The following CYRIA variants were observed in gnomAD, a reference collection of about 807,000 sequenced individuals.
CYRIA encodes CYFIP-related Rac1 interactor A.
In CYRIA, 15 loss-of-function variants were observed where a neutral mutation model predicts 43.9. That is an observed-to-expected ratio of 0.34 (90% CI 0.23 to 0.53). The LOEUF is 0.53. Among genes scored for constraint, CYRIA ranks in the 20% least tolerant of loss-of-function variants. CYRIA has a pLI of 0.94. For missense variants in CYRIA, 236 were observed against 394.2 expected (o/e 0.60, Z 3.40); for synonymous variants, 117 against 136.0 (o/e 0.86, Z 0.97).
intron 1 of CYRIA, among the ~76,000 whole-genome samples, chr2:16,654,913 C>T (rs1380495309): frequency 6.6e-6 from 1 of 152,172 alleles, no homozygotes; most frequent in Admixed American, 6.5e-5. Flanking sequence ...TCATATACCA[C>T]AAATAGTGAT....
At chr2:16,571,585 G>C (rs1558407001) in intron 3 of CYRIA, among the ~76,000 whole-genome samples, 5 of 152,232 alleles carry the variant, frequency 3.3e-5, no homozygotes. Flanking sequence ...CAATTTGACA[G>C]AGAATCAAAC....
chr2:16,619,332 T>C (rs1220948390), intron 2 of CYRIA, among the ~76,000 whole-genome samples: 3 of 152,190 alleles, frequency 2.0e-5, no homozygotes, highest in Non-Finnish European at 4.4e-5. Context: ...GGTACATGCA[T>C]ATGTACATAC....
intron 3 of CYRIA, among the ~76,000 whole-genome samples, chr2:16,586,587 C>G (rs1667735387): frequency 6.6e-6 from 1 of 150,844 alleles, no homozygotes. Context: ...ATTTTCAGAA[C>G]ATACAAGCTT....
In CYRIA at chr2:16,616,167, T is replaced by G. The variant is rs976995024; in HGVS notation, c.-11+7697A>C. Among the ~76,000 whole-genome samples the G allele has an allele frequency of 5.3e-5, 8 of 152,140 alleles. No individual in the cohort carries two copies. In the East Asian group the frequency reaches 1.5e-3, roughly 29 times the overall value. On this transcript the variant is annotated intron_variant, in intron 2 of 11. Transcript: ENST00000381323. Reference sequence around the variant, plus strand: ...GTAGAGTGGTGGCCTGCTCTGTCCTTCACGGTGGGAACCCGCCACTTGAAC... The same window carrying G: ...GTAGAGTGGTGGCCTGCTCTGTCCTGCACGGTGGGAACCCGCCACTTGAAC...
In CYRIA at chr2:16,588,138, G is replaced by A; in HGVS notation, c.-10-9C>T. The A allele has an allele frequency of 6.3e-7, 1 of 1,588,628 alleles. No homozygotes were observed. Among genetic ancestry groups the A allele is most frequent in the Non-Finnish European group, 8.6e-7 (1 of 1,164,760 alleles). On this transcript the variant is annotated splice_polypyrimidine_tract_variant and intron_variant, in intron 2 of 11. Coordinates refer to ENST00000381323, the MANE Select transcript of CYRIA (RefSeq NM_030797.4). ...TTCCCATCCCAGCAAACCTAGGAAA[G>A]GCAACACAAAACCAAATACCATTAG...
intron 2 of CYRIA, among the ~76,000 whole-genome samples, chr2:16,620,626 C>A (rs780811662): frequency 6.6e-6 from 1 of 152,166 alleles, no homozygotes; most frequent in African/African-American, 2.4e-5. Context: ...TCCATTTTTG[C>A]TTAAAAACTG....
Position 16,618,975 on chromosome 2 carries a change from C to T in CYRIA, c.-11+4889G>A, listed in dbSNP as rs1266580216. ...TGGAGAGGGTGATACACAGCATGAACAGTGAAAGAGGGGACAATTAGACAA... is the reference window on the plus strand; with the variant it reads ...TGGAGAGGGTGATACACAGCATGAATAGTGAAAGAGGGGACAATTAGACAA... On this transcript the variant is annotated intron_variant, in intron 2 of 11. Transcript: ENST00000381323. Among the ~76,000 whole-genome samples the T allele has an allele frequency of 3.9e-5, 6 of 152,182 alleles. No individual in the cohort carries two copies. In the East Asian group the frequency reaches 1.2e-3, roughly 29 times the overall value.
At chr2:16,619,190 C>T (rs1021245967) in intron 2 of CYRIA, among the ~76,000 whole-genome samples, 1 of 152,152 alleles carries the variant, frequency 6.6e-6, no homozygotes, top group Admixed American at 6.5e-5. Flanking sequence ...CTAGCCCATC[C>T]ATTCATCTTG....
intron 2 of CYRIA, among the ~76,000 whole-genome samples, chr2:16,616,748 C>G (rs1180747084): frequency 1.3e-5 from 2 of 152,260 alleles, no homozygotes; most frequent in Admixed American, 6.5e-5. Flanking sequence ...AAATTGCTAA[C>G]AATCACAGAG....
chr2:16,647,572 A>G (rs1356742700), intron 1 of CYRIA, among the ~76,000 whole-genome samples: 1 of 152,124 alleles, frequency 6.6e-6, no homozygotes, highest in Non-Finnish European at 1.5e-5. Context: ...CAAAACCCAT[A>G]CTACAAGGCC....
chr2:16,606,991 T>C (rs182275384), intron 2 of CYRIA, among the ~76,000 whole-genome samples: 1 of 152,114 alleles, frequency 6.6e-6, no homozygotes, highest in East Asian at 1.9e-4. Flanking sequence ...AGCCATCACA[T>C]ACAAAAAACC....
intron 3 of CYRIA, among the ~76,000 whole-genome samples, chr2:16,581,916 T>C (rs1410476581): frequency 3.3e-5 from 5 of 152,222 alleles, no homozygotes; most frequent in Non-Finnish European, 5.9e-5. Flanking sequence ...TCAAAAACAT[T>C]ATATTGAGTG....
At position 16,579,464 on chromosome 2, in the gene CYRIA, T is replaced by C. The variant is rs149402982; in HGVS notation, c.70+8586A>G. On this transcript the variant is annotated intron_variant, in intron 3 of 11. Transcript: ENST00000381323. ...ACACACACTCGCTCTCTCTCTCTCT[T>C]AAATGATAATTGACAATTTAAAATA... 2.7e-3 allele frequency among the ~76,000 whole-genome samples: 399 copies of C among 150,388 alleles called. 2 individuals carry two copies. Among genetic ancestry groups the C allele is most frequent in the African/African-American group, 9.5e-3 (383 of 40,512 alleles).
intron 2 of CYRIA, among the ~76,000 whole-genome samples, chr2:16,590,449 G>A (rs1395939091): frequency 1.3e-5 from 2 of 152,130 alleles, no homozygotes; most frequent in Non-Finnish European, 2.9e-5. Context: ...ATATTCTTAG[G>A]TGTCTTAGTT....
At chr2:16,643,325 G>T (rs1356263093) in intron 1 of CYRIA, among the ~76,000 whole-genome samples, 1 of 152,090 alleles carries the variant, frequency 6.6e-6, no homozygotes, top group Non-Finnish European at 1.5e-5. Context: ...CAGCTGAAAG[G>T]CTCCTGTAGG....
chr2:16,641,748 T>C (rs1669683534), intron 1 of CYRIA, among the ~76,000 whole-genome samples: 1 of 152,180 alleles, frequency 6.6e-6, no homozygotes, highest in South Asian at 2.1e-4. Context: ...TTGCAGGAGA[T>C]GCAGCAACAT....
intron 1 of CYRIA, among the ~76,000 whole-genome samples, chr2:16,662,611 C>T (rs150760328): frequency 3.0e-4 from 45 of 152,314 alleles, no homozygotes; most frequent in African/African-American, 1.0e-3. Flanking sequence ...GAGACTTCTA[C>T]GAGAGGATGA....
chr2:16,612,844 T>TA (rs1668651789), intron 2 of CYRIA, among the ~76,000 whole-genome samples: 2 of 152,232 alleles, frequency 1.3e-5, no homozygotes, highest in Admixed American at 1.3e-4. Flanking sequence ...GTAGGTCCCA[T>TA]AATCCCGACA....
intron 2 of CYRIA, among the ~76,000 whole-genome samples, chr2:16,615,428 G>A (rs1281826287): frequency 6.6e-6 from 1 of 152,186 alleles, no homozygotes; most frequent in Non-Finnish European, 1.5e-5. Context: ...TTGCACAAAT[G>A]AAAGTTTACA....
Sources: allele counts gnomAD v4.1 joint callset (sites outside exome capture counted in the v4.1 genomes callset), GRCh38; gene constraint gnomAD v4.1.1; transcripts MANE v1.5; gene names NCBI Gene and HGNC (gene_info 2026-07-23, HGNC 2026-07-21).